Variants in PRKACB observed in about 807,000 individuals in gnomAD.
The protein encoded by PRKACB is protein kinase cAMP-activated catalytic subunit beta.
A neutral mutation model predicts 51.4 loss-of-function variants in PRKACB; 16 were observed. The observed-to-expected ratio is 0.31, with a 90% confidence interval of 0.21 to 0.47. PRKACB has a LOEUF of 0.47. Ranked by LOEUF, PRKACB falls within the 20% of genes least tolerant of loss-of-function variation. The pLI, the probability that PRKACB is intolerant of heterozygous loss-of-function variation, is 1.00. For synonymous variants in PRKACB, 147 were observed against 154.4 expected, an observed-to-expected ratio of 0.95 and a Z score of 0.35; for missense variants, 309 against 464.5, an observed-to-expected ratio of 0.67 and a Z score of 3.08.
At chr1:84,147,446 T>C (rs1425108415) in intron 1 of PRKACB, among the ~76,000 whole-genome samples, 1 of 152,080 alleles carries the variant, frequency 6.6e-6, no homozygotes, top group Non-Finnish European at 1.5e-5. Context: ...ATCAGCTTTT[T>C]CCACTTGAAA....
In PRKACB at chr1:84,213,329, A is replaced by G. The variant is rs568179476; in HGVS notation, c.907-824A>G. Among the ~76,000 whole-genome samples, 5 of 152,306 alleles carry G rather than the reference A, an allele frequency of 3.3e-5. No homozygotes were observed. In the East Asian group the frequency reaches 7.7e-4, roughly 24 times the overall value. On this transcript the variant is annotated intron_variant, in intron 8 of 9. Coordinates refer to ENST00000370685, the MANE Select transcript of PRKACB (RefSeq NM_182948.4). The stretch of plus-strand genomic sequence containing the variant: ...TTGGTGGTACCCATTTTAATTTTTT[A>G]GGTACCCATATCAATGAAACAGTAA...
chr1:84,174,940 T>C (rs900694389), intron 1 of PRKACB: 3 of 1,154,234 alleles, frequency 2.6e-6, no homozygotes, highest in East Asian at 3.1e-5. Flanking sequence ...TATTTCTGTA[T>C]ATAGTATTCT....
At chr1:84,113,113 T>A (rs966764438) in intron 1 of PRKACB, among the ~76,000 whole-genome samples, 9 of 152,214 alleles carry the variant, frequency 5.9e-5, no homozygotes, top group Non-Finnish European at 1.0e-4. Flanking sequence ...ATATTTTATT[T>A]CACTAGTGAT....
chr1:84,129,818 C>A (rs1465105519), intron 1 of PRKACB, among the ~76,000 whole-genome samples: 2 of 152,126 alleles, frequency 1.3e-5, no homozygotes, highest in Non-Finnish European at 2.9e-5. Flanking sequence ...TGAAAAGAGA[C>A]AAATACAGTA....
At chr1:84,211,776 T>C (rs959080177) in intron 8 of PRKACB, among the ~76,000 whole-genome samples, 24 of 152,274 alleles carry the variant, frequency 1.6e-4, no homozygotes, top group African/African-American at 5.8e-4. Context: ...TGGATAATAA[T>C]CATACCTATG....
chr1:84,218,958 A>G (rs1451741527), intron 9 of PRKACB, among the ~76,000 whole-genome samples: 2 of 152,154 alleles, frequency 1.3e-5, no homozygotes, highest in African/African-American at 4.8e-5. Flanking sequence ...ATGTGTACAC[A>G]TATCCTTTAC....
Position 84,138,131 on chromosome 1 carries a change from T to G in PRKACB, c.47-41046T>G, listed in dbSNP as rs551752443. ...TAAGGCTCCTTGGAGAAATGGATGA[T>G]TCTAAAAGGGCTGGGGCAGGAAATA... On this transcript the variant is annotated intron_variant, in intron 1 of 8. Transcript: ENST00000370688. 2.3e-4 allele frequency among the ~76,000 whole-genome samples: 35 copies of G among 152,216 alleles called. 1 individual carries two copies. The highest frequency in any genetic ancestry group is 8.2e-4 in the African/African-American group (34 of 41,544).
chr1:84,185,050 T>C, intron 4 of PRKACB, 50 bp from the exon 5 acceptor site: 1 of 1,127,948 alleles, frequency 8.9e-7, no homozygotes, highest in Non-Finnish European at 1.2e-6. Context: ...AATATTAAAA[T>C]AATTTTGACC....
intron 9 of PRKACB, among the ~76,000 whole-genome samples, chr1:84,230,039 T>C (rs1675342598): frequency 6.6e-6 from 1 of 151,830 alleles, no homozygotes; most frequent in African/African-American, 2.4e-5. Context: ...ATGCCTAGGT[T>C]TTCTTCTAGG....
chr1:84,139,427 A>T (rs1461676220), upstream of PRKACB, among the ~76,000 whole-genome samples: 1 of 152,210 alleles, frequency 6.6e-6, no homozygotes, highest in Non-Finnish European at 1.5e-5. Flanking sequence ...TGAAAACCAC[A>T]ATTACTGTGT....
At chr1:84,196,820 G>A in intron 6 of PRKACB, 78 bp downstream of exon 6, 1 of 1,415,644 alleles carries the variant, frequency 7.1e-7, no homozygotes, top group Non-Finnish European at 9.5e-7. Flanking sequence ...ACCCCAACTT[G>A]GAATTTTTTT....
intron 9 of PRKACB, among the ~76,000 whole-genome samples, chr1:84,232,913 A>T (rs1372152485): frequency 6.6e-6 from 1 of 151,862 alleles, no homozygotes; most frequent in East Asian, 1.9e-4. Context: ...GTCCATTTAC[A>T]TTTAAAGTTA....
At chr1:84,088,479 T>G (rs1032501162) in intron 1 of PRKACB, among the ~76,000 whole-genome samples, 1 of 152,208 alleles carries the variant, frequency 6.6e-6, no homozygotes, top group Non-Finnish European at 1.5e-5. Flanking sequence ...CCATATAGCA[T>G]CAGCAGGCCA....
At chr1:84,168,455 C>T (rs556475927) in intron 1 of PRKACB, among the ~76,000 whole-genome samples, 4 of 151,602 alleles carry the variant, frequency 2.6e-5, no homozygotes, top group African/African-American at 9.7e-5. Context: ...CCTGGCCCAG[C>T]TGTAGTTGAG....
At position 84,164,162 on chromosome 1, in the gene PRKACB, T is replaced by C. The variant is rs12030564; in HGVS notation, c.188-15015T>C. The C allele has an allele frequency of 7.5e-3, 3,690 of 493,450 alleles. 69 individuals are homozygous for C. In the East Asian group the frequency reaches 0.08, roughly 11 times the overall value. The allele number at this position is 493,450 out of a possible 1,614,324, so 30.6% of individuals were successfully genotyped here. On this transcript the variant is annotated intron_variant, in intron 1 of 9. Coordinates refer to ENST00000370685, the MANE Select transcript of PRKACB (RefSeq NM_182948.4). ...TTAAAAATGCAGATATACATATATG[T>C]ATATAATATTATTCTCTTCCATAAC... is the stretch of plus-strand genomic sequence containing the variant.
At chr1:84,182,106 G>A (rs1356270663) in intron 2 of PRKACB, 94 bp from the exon 3 acceptor site, 1 of 931,580 alleles carries the variant, frequency 1.1e-6, no homozygotes, top group Non-Finnish European at 1.5e-6. Context: ...TTATAAATGG[G>A]ATTATCCATT....
chr1:84,099,672 G>C (rs940550740), intron 1 of PRKACB, among the ~76,000 whole-genome samples: 1 of 151,984 alleles, frequency 6.6e-6, no homozygotes, highest in Non-Finnish European at 1.5e-5. Context: ...TTGACATCCA[G>C]AAAGTAAAAA....
At chr1:84,219,903 T>C (rs777748223) in intron 9 of PRKACB, among the ~76,000 whole-genome samples, 20 of 152,150 alleles carry the variant, frequency 1.3e-4, no homozygotes, top group Non-Finnish European at 2.8e-4. Context: ...GCATTGCTCT[T>C]TTTGCTCTGG....
At chr1:84,170,999 A>G (rs961394222) in intron 1 of PRKACB, among the ~76,000 whole-genome samples, 2 of 151,660 alleles carry the variant, frequency 1.3e-5, no homozygotes, top group African/African-American at 2.4e-5. Flanking sequence ...GCTACAGTAT[A>G]TCAATTCTTA....
Sources: gnomAD v4.1 joint callset for allele counts (sites outside exome capture counted in the v4.1 genomes callset) on GRCh38, gnomAD v4.1.1 for gene constraint, MANE v1.5 for transcripts, NCBI Gene and HGNC (gene_info 2026-07-23, HGNC 2026-07-21) for gene names.